EPHA3: variants seen among roughly 807,000 people sequenced by gnomAD.
EPHA3 encodes EPH receptor A3.
Under a neutral mutation model 107.1 loss-of-function variants are expected in EPHA3, and 42 were observed. That is an observed-to-expected ratio of 0.39 (90% CI 0.31 to 0.51). The LOEUF is 0.51. Ranked by LOEUF, EPHA3 falls within the 20% of genes least tolerant of loss-of-function variation. EPHA3 has a pLI of 0.78. For missense variants in EPHA3, 1,183 were observed against 1,211.2 expected (o/e 0.98, Z 0.35); for synonymous variants, 461 against 424.8 (o/e 1.09, Z -1.05).
At chr3:89,127,375 G>A in intron 2 of EPHA3, 102 bp downstream of exon 2, 1 of 877,722 alleles carries the variant, frequency 1.1e-6, no homozygotes, top group South Asian at 1.6e-5. Context: ...TGTACTTCTG[G>A]TGACAAATTA....
chr3:89,143,162 A>C (rs1704468331), intron 2 of EPHA3, among the ~76,000 whole-genome samples: 1 of 151,458 alleles, frequency 6.6e-6, no homozygotes, highest in East Asian at 1.9e-4. Context: ...AGTTTGGGAA[A>C]AAAAATTAAA....
chr3:89,432,562 C>T (rs1576375121), intron 13 of EPHA3, among the ~76,000 whole-genome samples: 1 of 151,838 alleles, frequency 6.6e-6, no homozygotes, highest in South Asian at 2.1e-4. Flanking sequence ...GGACCACCAG[C>T]CCCAGCTAAT....
In EPHA3 at chr3:89,413,143, A is replaced by AAACTTCCAG. The variant is rs1709186269; in HGVS notation, c.1766_1774dup (p.Pro591_Gly592insGluLeuPro). On this transcript the variant is annotated inframe_insertion, in exon 10 of 17. Transcript: ENST00000336596. ...CCTTTCTTTCTTTCCTCAAACAGTAAAACTTCCAGGTCTCAGGACTTATGT... is the reference window on the plus strand; with the variant it reads ...CCTTTCTTTCTTTCCTCAAACAGTAAAACTTCCAGAACTTCCAGGTCTCAGGACTTATGT... 1 of 1,611,032 alleles carries AAACTTCCAG rather than the reference A, an allele frequency of 6.2e-7. No individual in the cohort carries two copies. The highest frequency in any genetic ancestry group is 1.3e-5 in the African/African-American group (1 of 74,764).
In EPHA3 at chr3:89,400,651, G is replaced by C. The variant is rs184769183; in HGVS notation, c.1594+1171G>C. Among the ~76,000 whole-genome samples, 346 of 152,010 alleles carry C rather than the reference G, an allele frequency of 2.3e-3. 4 individuals are homozygous for C. Among genetic ancestry groups the C allele is most frequent in the African/African-American group, 8.1e-3 (336 of 41,472 alleles). On this transcript the variant is annotated intron_variant, in intron 7 of 16. Coordinates refer to ENST00000336596, the MANE Select transcript of EPHA3 (RefSeq NM_005233.6). ...TGTGTGTGAGCGTGTGTGTGTGTGTGTGTGTGTGTTTAGGTAATCATAATA... is the reference window on the plus strand; with the variant it reads ...TGTGTGTGAGCGTGTGTGTGTGTGTCTGTGTGTGTTTAGGTAATCATAATA...
intron 11 of EPHA3, among the ~76,000 whole-genome samples, chr3:89,422,871 T>G (rs1306006713): frequency 6.6e-6 from 1 of 151,380 alleles, no homozygotes; most frequent in African/African-American, 2.4e-5. Flanking sequence ...CACAAACAAT[T>G]TTAATGTTTT....
At chr3:89,300,627 T>A (rs138779498) in intron 3 of EPHA3, among the ~76,000 whole-genome samples, 5 of 152,096 alleles carry the variant, frequency 3.3e-5, no homozygotes, top group African/African-American at 1.2e-4. Context: ...ATCTGCCCAA[T>A]GTTACTCAGG....
At chr3:89,385,382 G>C (rs926322822) in intron 5 of EPHA3, among the ~76,000 whole-genome samples, 5 of 152,158 alleles carry the variant, frequency 3.3e-5, no homozygotes, top group African/African-American at 1.2e-4. Context: ...TGAATCATGG[G>C]GGCTGTTACC....
At chr3:89,360,290 A>C (rs915970721) in intron 5 of EPHA3, among the ~76,000 whole-genome samples, 3 of 151,060 alleles carry the variant, frequency 2.0e-5, no homozygotes, top group African/African-American at 7.2e-5. Context: ...TACTTGCCAA[A>C]AATTTATGAC....
At chr3:89,289,585 C>T (rs1164341786) in intron 3 of EPHA3, among the ~76,000 whole-genome samples, 2 of 151,988 alleles carry the variant, frequency 1.3e-5, no homozygotes, top group East Asian at 3.9e-4. Context: ...TATATCCTGT[C>T]TGTACACACA....
intron 3 of EPHA3, among the ~76,000 whole-genome samples, chr3:89,328,276 C>T (rs1208564185): frequency 6.6e-6 from 1 of 152,092 alleles, no homozygotes; most frequent in Non-Finnish European, 1.5e-5. Context: ...AGTAGACAGT[C>T]CATTACATGG....
At chr3:89,128,320 A>G (rs532508197) in intron 2 of EPHA3, among the ~76,000 whole-genome samples, 55 of 152,262 alleles carry the variant, frequency 3.6e-4, no homozygotes, top group Non-Finnish European at 6.0e-4. Context: ...ACAATATGCC[A>G]AAACCTAAAA....
intron 5 of EPHA3, among the ~76,000 whole-genome samples, chr3:89,362,978 A>C (rs1046572063): frequency 1.3e-5 from 2 of 151,090 alleles, no homozygotes; most frequent in Non-Finnish European, 3.0e-5. Context: ...AACTGTGATA[A>C]GATTTGTAAG....
rs541722809 is a variant in EPHA3 at position 89,457,029 on chromosome 3, C to T, written c.2690+6659C>T. Among the ~76,000 whole-genome samples, 7 of 152,132 alleles carry T rather than the reference C, an allele frequency of 4.6e-5. 1 individual carries two copies. In the South Asian group the frequency reaches 1.0e-3, roughly 23 times the overall value. The stretch of plus-strand genomic sequence containing the variant: ...TATTAGAGCAAAAATAAAAGGAGTT[C>T]GGGAATCCCGAGGGGAGGTGAGTTT... On this transcript the variant is annotated intron_variant, in intron 15 of 16. Coordinates refer to ENST00000336596, the MANE Select transcript of EPHA3 (RefSeq NM_005233.6).
chr3:89,329,319 T>C (rs1221139223), intron 3 of EPHA3, among the ~76,000 whole-genome samples: 1 of 151,932 alleles, frequency 6.6e-6, no homozygotes, highest in Non-Finnish European at 1.5e-5. Context: ...GTAGCAACAC[T>C]GAATACAGAT....
At position 89,283,090 on chromosome 3, in the gene EPHA3, G is replaced by T. The variant is rs559142744; in HGVS notation, c.815-57826G>T. On this transcript the variant is annotated intron_variant, in intron 3 of 16. Transcript: ENST00000336596. ...AATACAAATAACTACTCTTGGAAGT[G>T]CAGGTTTAAGGAGTTTGCTTTTAGG... Among the ~76,000 whole-genome samples the T allele has an allele frequency of 3.9e-5, 6 of 152,254 alleles. No homozygotes were observed. In the South Asian group the frequency reaches 6.2e-4, roughly 16 times the overall value.
chr3:89,419,576 C>T (rs1185851441), intron 11 of EPHA3, among the ~76,000 whole-genome samples, 186 bp downstream of exon 11: 1 of 151,218 alleles, frequency 6.6e-6, no homozygotes, highest in African/African-American at 2.4e-5. Context: ...ATTCTATTGA[C>T]AGTACTGTTT....
At chr3:89,277,532 T>C (rs1705837544) in intron 3 of EPHA3, among the ~76,000 whole-genome samples, 1 of 152,148 alleles carries the variant, frequency 6.6e-6, no homozygotes, top group African/African-American at 2.4e-5. Flanking sequence ...TCTAGACCAC[T>C]GAAAACATGA....
intron 2 of EPHA3, among the ~76,000 whole-genome samples, chr3:89,203,350 C>CAA (rs201802144): frequency 1.4e-5 from 2 of 145,782 alleles, no homozygotes; most frequent in African/African-American, 5.1e-5. Context: ...CAAAACAAAA[C>CAA]AAAAAAAAAA....
intron 5 of EPHA3, among the ~76,000 whole-genome samples, chr3:89,346,945 T>C (rs1203179425): frequency 1.4e-5 from 2 of 146,416 alleles, no homozygotes; most frequent in African/African-American, 5.1e-5. Flanking sequence ...CGGCGTTATT[T>C]CTGAGGGCTC....
Sources: allele counts gnomAD v4.1 joint callset (sites outside exome capture counted in the v4.1 genomes callset), GRCh38; gene constraint gnomAD v4.1.1; transcripts MANE v1.5; gene names NCBI Gene and HGNC (gene_info 2026-07-23, HGNC 2026-07-21).